Variants in LIMS2 observed in about 807,000 individuals in gnomAD.
LIMS2 encodes LIM zinc finger domain containing 2, also known as LIM and senescent cell antigen-like-containing domain protein 2.
Under a neutral mutation model 45.3 loss-of-function variants are expected in LIMS2, and 30 were observed. The ratio of observed to expected loss-of-function variants is 0.66; its 90% CI spans 0.50 to 0.90. LIMS2 has a LOEUF of 0.90. Among genes scored for constraint, LIMS2 ranks in the 40% least tolerant of loss-of-function variants. The pLI is 0.00. For synonymous variants in LIMS2, 173 were observed against 188.0 expected, an observed-to-expected ratio of 0.92 and a Z score of 0.65; for missense variants, 485 against 468.7, an observed-to-expected ratio of 1.03 and a Z score of -0.32.
chr2:127,644,753 A>G (rs1386510764), intron 4 of LIMS2, among the ~76,000 whole-genome samples: 1 of 152,236 alleles, frequency 6.6e-6, no homozygotes, highest in Non-Finnish European at 1.5e-5. Context: ...AAGGTCTGTG[A>G]GCCCAGAAAT....
At chr2:127,660,098 C>G (rs964304547) in intron 1 of LIMS2, among the ~76,000 whole-genome samples, 4 of 152,212 alleles carry the variant, frequency 2.6e-5, no homozygotes, top group African/African-American at 4.8e-5. Context: ...ACTTGGAGAA[C>G]TTTTCTGTCT....
intron 4 of LIMS2, chr2:127,648,323 ATAT>A (rs1463881478): frequency 4.8e-6 from 2 of 420,996 alleles, no homozygotes; most frequent in African/African-American, 2.2e-5. Context: ...CTAAAAGGTA[ATAT>A]TATTAGGTAG....
intron 9 of LIMS2, 102 bp from the exon 10 acceptor site, chr2:127,639,530 A>G: frequency 1.4e-6 from 2 of 1,414,588 alleles, no homozygotes; most frequent in Non-Finnish European, 1.9e-6. Context: ...GCCTCCCCAC[A>G]CCAGCCTCTC....
At position 127,664,265 on chromosome 2, in the gene LIMS2, G is replaced by T; in HGVS notation, c.12-6703C>A. The T allele has an allele frequency of 8.1e-7, 1 of 1,228,748 alleles. No homozygotes were observed. Among genetic ancestry groups the T allele is most frequent in the Non-Finnish European group, 1.0e-6 (1 of 985,968 alleles). The allele number at this position is 1,228,748 out of a possible 1,614,324, so 76.1% of individuals were successfully genotyped here. On this transcript the variant is annotated intron_variant, in intron 1 of 9. Coordinates refer to ENST00000355119, the MANE Select transcript of LIMS2 (RefSeq NM_001161403.3). This position sits in a 1 kb window ranked among gnomAD's most constrained non-coding sequence, Gnocchi z 5.5. ...GCCTGCCCTGCCGCCGCAGCTTTCC[G>T]GCCATTGTCCCCGCCACCCGCCCCG...
Position 127,647,962 on chromosome 2 carries a change from C to T in LIMS2, c.360-4890G>A, listed in dbSNP as rs925773412. The stretch of plus-strand genomic sequence containing the variant: ...CCTCCCTCCTTTTACCTCTCCTCCA[C>T]AGCCCCCTTCACAGCCCTCAGCCCT... On this transcript the variant is annotated intron_variant, in intron 4 of 9. Transcript: ENST00000355119. This position sits in a 1 kb window ranked among gnomAD's most constrained non-coding sequence, Gnocchi z 4.3. 6 of 945,710 alleles carry T rather than the reference C, an allele frequency of 6.3e-6. No homozygotes were observed. The highest frequency in any genetic ancestry group is 4.9e-5 in the South Asian group (1 of 20,548). The allele number at this position is 945,710 out of a possible 1,614,324, so 58.6% of individuals were successfully genotyped here. A position where few individuals can be genotyped will look rare whatever the true frequency, so the allele number is the denominator to read the frequency against.
intron 4 of LIMS2, chr2:127,650,115 G>A (rs1314684602): frequency 1.9e-6 from 3 of 1,550,294 alleles, no homozygotes; most frequent in African/African-American, 1.4e-5. Context: ...CCAGGGTACA[G>A]CCCTTGCTGC....
At chr2:127,669,896 A>C (rs929636867) in intron 1 of LIMS2, among the ~76,000 whole-genome samples, 4 of 152,238 alleles carry the variant, frequency 2.6e-5, no homozygotes, top group African/African-American at 4.8e-5. Flanking sequence ...AAAGATGCTC[A>C]ACATTATCAG....
At chr2:127,650,105 C>G in intron 4 of LIMS2, 1 of 1,578,496 alleles carries the variant, frequency 6.3e-7, no homozygotes, top group Non-Finnish European at 8.6e-7. Context: ...CTCTGACGTC[C>G]CAGGGTACAG....
At position 127,659,938 on chromosome 2, in the gene LIMS2, G is replaced by A. The variant is rs185131711; in HGVS notation, c.12-2376C>T. Among the ~76,000 whole-genome samples, 5 of 152,288 alleles carry A rather than the reference G, an allele frequency of 3.3e-5. No homozygotes were observed. The East Asian group carries it at 9.6e-4, about 29-fold the overall frequency. ...GCTGCTGGGACCTGTGACTTTCCTT[G>A]TGGTTATGGGCACTCCTGCCCTGCT... On this transcript the variant is annotated intron_variant, in intron 1 of 9. Transcript: ENST00000355119.
chr2:127,642,463 C>G lies in LIMS2; in HGVS notation c.510-264G>C, dbSNP rs1434900662. On this transcript the variant is annotated intron_variant, in intron 5 of 9. Coordinates refer to ENST00000355119, the MANE Select transcript of LIMS2 (RefSeq NM_001161403.3). This position sits in a 1 kb window ranked among gnomAD's most constrained non-coding sequence, Gnocchi z 5.3. ...TGAGAAGCAGGTCTGTTCTTGGGCC[C>G]CCCTCCTCCTCCAAACCAGAGGGGG... is the stretch of plus-strand genomic sequence containing the variant. The G allele has an allele frequency of 4.7e-6, 2 of 423,286 alleles. No individual in the cohort carries two copies. The highest frequency in any genetic ancestry group is 8.4e-6 in the Non-Finnish European group (2 of 239,278). 26.2% of individuals were successfully genotyped at this position (423,286 alleles called of 1,614,324 possible).
At chr2:127,663,152 A>G (rs923170379) in intron 1 of LIMS2, among the ~76,000 whole-genome samples, 3 of 152,188 alleles carry the variant, frequency 2.0e-5, no homozygotes, top group African/African-American at 7.2e-5. Context: ...ACTCCAGAAC[A>G]GCCTTGGGGC....
chr2:127,662,421 C>T (rs868211949), intron 1 of LIMS2, among the ~76,000 whole-genome samples: 1 of 152,052 alleles, frequency 6.6e-6, no homozygotes, highest in Admixed American at 6.6e-5. Context: ...ACTGCCTGGG[C>T]TTCCTCCCTG....
chr2:127,642,963 C>T lies in LIMS2; in HGVS notation c.469G>A (p.Asp157Asn), dbSNP rs765288632. ...TTGAAGTGGTCAGGGTGGTAGGCGT[C>T]GCTCCTGAACATGAGGGGCTGCTCG... ...IDEQPLMFRSDAYHPDHFNCT... is the reference protein window; with the variant it reads ...IDEQPLMFRSNAYHPDHFNCT... Residue 157 changes from aspartate (D) to asparagine (N), a missense_variant, in exon 5 of 10, where the codon GAC becomes AAC. Transcript: ENST00000355119. This position sits in a 1 kb window ranked among gnomAD's most constrained non-coding sequence, Gnocchi z 5.3. 32 of 1,568,586 alleles carry T rather than the reference C, an allele frequency of 2.0e-5. No homozygotes were observed. In the South Asian group the frequency reaches 2.5e-4, roughly 12 times the overall value.
chr2:127,664,542 T>C lies in LIMS2; in HGVS notation c.12-6980A>G. On this transcript the variant is annotated intron_variant, in intron 1 of 9. Coordinates refer to ENST00000355119, the MANE Select transcript of LIMS2 (RefSeq NM_001161403.3). This position sits in a 1 kb window ranked among gnomAD's most constrained non-coding sequence, Gnocchi z 5.5. ...CCCCGCGCTGGTCGCGAGCTCACGT[T>C]ACGCGCTGGGATCTCCAAAGGGCAG... The C allele has an allele frequency of 8.7e-7, 1 of 1,150,852 alleles. No individual in the cohort carries two copies. The highest frequency in any genetic ancestry group is 1.1e-6 in the Non-Finnish European group (1 of 936,576). 71.3% of individuals were successfully genotyped at this position (1,150,852 alleles called of 1,614,324 possible). A position where few individuals can be genotyped will look rare whatever the true frequency, so the allele number is the denominator to read the frequency against.
rs1212361197 is a variant in LIMS2, at chr2:127,640,919, A to G, written c.730T>C (p.Tyr244His). The G allele has an allele frequency of 6.2e-7, 1 of 1,613,782 alleles. No homozygotes were observed. Among genetic ancestry groups the G allele is most frequent in the Non-Finnish European group, 8.5e-7 (1 of 1,179,938 alleles). The change falls in exon 7 of 10, where the codon TAC becomes CAC. Residue 244 changes from tyrosine (Y) to histidine (H), a missense_variant. Coordinates refer to ENST00000355119, the MANE Select transcript of LIMS2 (RefSeq NM_001161403.3). ...ACCTGGTTGTAGTGAGTCTCGCAGT[A>G]GGCCAGGCCCTTCTTCTCATAGTGC... ...HRHYEKKGLA[Y>H]CETHYNQLFG...
intron 4 of LIMS2, chr2:127,649,982 T>C: frequency 6.3e-7 from 1 of 1,592,012 alleles, no homozygotes; most frequent in Non-Finnish European, 8.6e-7. Flanking sequence ...CACAGGCTTC[T>C]CCTAAACACA....
rs1484858666 is a variant in LIMS2 at position 127,667,663 on chromosome 2, C to G, written c.11+7351G>C. Among the ~76,000 whole-genome samples the G allele has an allele frequency of 6.6e-6, 1 of 152,162 alleles. No individual in the cohort carries two copies. Among genetic ancestry groups the G allele is most frequent in the Non-Finnish European group, 1.5e-5 (1 of 68,028 alleles). ...AACATCTTTTCATAATAAAAGCACC[C>G]AACAAACTGGGAATAGAAGGGAACT... is the stretch of plus-strand genomic sequence containing the variant. On this transcript the variant is annotated intron_variant, in intron 1 of 9. Transcript: ENST00000355119. The surrounding 1 kb of genome is among the most constrained non-coding windows in gnomAD (Gnocchi z 4.1).
chr2:127,643,854 G>A (rs901203225), intron 4 of LIMS2, among the ~76,000 whole-genome samples: 8 of 152,076 alleles, frequency 5.3e-5, no homozygotes, highest in Non-Finnish European at 1.5e-5. Flanking sequence ...CTGCATCCAG[G>A]CCTCCCTTCC....
Position 127,675,006 on chromosome 2 carries a change from G to C in LIMS2, c.11+8C>G. On this transcript the variant is annotated splice_region_variant and intron_variant, in intron 1 of 9. Coordinates refer to ENST00000355119, the MANE Select transcript of LIMS2 (RefSeq NM_001161403.3). ...CCCCGGCCCGGGGGCGTGGGTGGGG[G>C]CCGTTACCTTCCCGTCATGGTGGCA... The C allele has an allele frequency of 8.1e-7, 1 of 1,229,962 alleles. No individual in the cohort carries two copies. The highest frequency in any genetic ancestry group is 1.0e-6 in the Non-Finnish European group (1 of 985,658). 76.2% of individuals were successfully genotyped at this position (1,229,962 alleles called of 1,614,324 possible).
Sources: allele counts gnomAD v4.1 joint callset (sites outside exome capture counted in the v4.1 genomes callset), GRCh38; gene constraint gnomAD v4.1.1; non-coding constraint Gnocchi (gnomAD v3.1); transcripts MANE v1.5; gene names NCBI Gene and HGNC (gene_info 2026-07-23, HGNC 2026-07-21).